Variants in KIAA1328 observed in about 807,000 individuals in gnomAD.
The protein encoded by KIAA1328 is KIAA1328.
Under a neutral mutation model 68.1 loss-of-function variants are expected in KIAA1328, and 52 were observed. That is an observed-to-expected ratio of 0.76 (90% confidence interval 0.61 to 0.96). KIAA1328 has a LOEUF of 0.96. KIAA1328 is among the 40% of genes least tolerant of loss of function. The pLI is 0.00. For synonymous variants in KIAA1328, 232 were observed against 239.4 expected, an observed-to-expected ratio of 0.97 and a Z score of 0.28; for missense variants, 641 against 677.6, an observed-to-expected ratio of 0.95 and a Z score of 0.60.
At position 36,973,850 on chromosome 18, in the gene KIAA1328, C is replaced by CACACACACACACACAT. The variant is rs983579773; in HGVS notation, c.576+14416_576+14417insCACACACACACACATA. Among the ~76,000 whole-genome samples the CACACACACACACACAT allele has an allele frequency of 4.7e-5, 7 of 149,262 alleles. No individual in the cohort carries two copies. The South Asian group carries it at 1.1e-3, about 22-fold the overall frequency. ...ACACATACACACACACACACACACA[C>CACACACACACACACAT]ATATATATCTTCAAAAATTCTATTT... On this transcript the variant is annotated intron_variant, in intron 6 of 9. Transcript: ENST00000280020.
Position 36,885,900 on chromosome 18 carries a change from A to G in KIAA1328, c.448+228A>G. 1.2e-5 allele frequency: 6 copies of G among 483,728 alleles called. 1 individual carries two copies. Among genetic ancestry groups the G allele is most frequent in the Non-Finnish European group, 2.2e-5 (6 of 276,698 alleles). 30.0% of individuals were successfully genotyped at this position (483,728 alleles called of 1,614,324 possible). A position where few individuals can be genotyped will look rare whatever the true frequency, so the allele number is the denominator to read the frequency against. On this transcript the variant is annotated intron_variant, in intron 5 of 9. Transcript: ENST00000280020. ...CCCAGCTAATTTTCGTATTTTTAGT[A>G]GAGACGGGGTTTCACCTTGTTGGCC...
intron 1 of KIAA1328, 190 bp downstream of exon 1, chr18:36,829,386 T>C (rs1255739708): frequency 7.3e-7 from 1 of 1,371,034 alleles, no homozygotes; most frequent in East Asian, 3.0e-5. Context: ...GAGAGACTGG[T>C]ACTGTCTGCA....
intron 5 of KIAA1328, among the ~76,000 whole-genome samples, chr18:36,938,462 T>G (rs979206909): frequency 5.3e-5 from 8 of 152,186 alleles, no homozygotes; most frequent in Non-Finnish European, 1.2e-4. Context: ...TGCTTGCTAT[T>G]GAGTTGTTTG....
At chr18:36,837,065 T>C (rs568310187) in intron 3 of KIAA1328, among the ~76,000 whole-genome samples, 1 of 152,336 alleles carries the variant, frequency 6.6e-6, no homozygotes, top group East Asian at 1.9e-4. Context: ...TGATCATTCA[T>C]ATACAAGTTT....
At chr18:36,829,581 G>C (rs2046388894) in intron 1 of KIAA1328, 2 of 410,874 alleles carry the variant, frequency 4.9e-6, no homozygotes, top group Admixed American at 1.2e-4. Flanking sequence ...GGAGGAGTCG[G>C]TGTTGGCTGG....
At chr18:36,968,731 A>G (rs2052046830) in intron 6 of KIAA1328, among the ~76,000 whole-genome samples, 1 of 152,198 alleles carries the variant, frequency 6.6e-6, no homozygotes, top group Non-Finnish European at 1.5e-5. Context: ...CAGATCCTTA[A>G]GTCAGAAAAT....
chr18:36,896,483 G>A (rs918246384), intron 5 of KIAA1328, among the ~76,000 whole-genome samples: 1 of 152,134 alleles, frequency 6.6e-6, no homozygotes, highest in Non-Finnish European at 1.5e-5. Context: ...TGACACTGCA[G>A]TTCAAATAAA....
chr18:36,979,895 C>G (rs1248461669), intron 6 of KIAA1328, among the ~76,000 whole-genome samples: 1 of 152,164 alleles, frequency 6.6e-6, no homozygotes, highest in Non-Finnish European at 1.5e-5. Flanking sequence ...GAAACTTAAT[C>G]CCCAGTGCAA....
chr18:37,025,855 G>A (rs957467847), intron 6 of KIAA1328, among the ~76,000 whole-genome samples: 2 of 151,958 alleles, frequency 1.3e-5, no homozygotes, highest in African/African-American at 4.8e-5. Context: ...CTAGCAGAAG[G>A]CAAGAAATAA....
intron 1 of KIAA1328, 196 bp downstream of exon 1, chr18:36,829,392 C>G: frequency 7.3e-7 from 1 of 1,362,254 alleles, no homozygotes; most frequent in Non-Finnish European, 9.4e-7. Flanking sequence ...CTGGTACTGT[C>G]TGCAGGTGTG....
At chr18:36,900,652 A>T (rs1310784895) in intron 5 of KIAA1328, among the ~76,000 whole-genome samples, 3 of 151,980 alleles carry the variant, frequency 2.0e-5, no homozygotes. Context: ...TGAACTGTTC[A>T]TATTTTCATA....
intron 6 of KIAA1328, among the ~76,000 whole-genome samples, chr18:37,029,305 A>T (rs2054724555): frequency 6.6e-6 from 1 of 151,768 alleles, no homozygotes; most frequent in Non-Finnish European, 1.5e-5. Context: ...TTGTGTGCCT[A>T]GGGGTGTTTG....
intron 4 of KIAA1328, among the ~76,000 whole-genome samples, chr18:36,847,811 A>G (rs2047078340): frequency 6.6e-6 from 1 of 151,612 alleles, no homozygotes; most frequent in African/African-American, 2.4e-5. Context: ...AATTCTGCCT[A>G]TCACAAATTG....
chr18:37,144,748 T>C (rs1412047421), intron 7 of KIAA1328, among the ~76,000 whole-genome samples: 2 of 152,142 alleles, frequency 1.3e-5, no homozygotes, highest in Non-Finnish European at 2.9e-5. Flanking sequence ...CAGACTGGTC[T>C]TGAACCCCTG....
Position 37,095,755 on chromosome 18 carries a change from GACTA to G in KIAA1328, c.1232+28216_1232+28219del, listed in dbSNP as rs1050746936. Among the ~76,000 whole-genome samples the G allele has an allele frequency of 1.5e-4, 22 of 150,028 alleles. 1 individual carries two copies. Among genetic ancestry groups the G allele is most frequent in the South Asian group, 1.0e-3 (5 of 4,766 alleles). On this transcript the variant is annotated intron_variant, in intron 7 of 9. Transcript: ENST00000280020. ...ATGAAGTTGATAAACCACTAACTAA[GACTA>G]ACTAAGGAAAAAAGAAGACCCAAAT...
At chr18:36,965,403 A>G (rs1041803492) in intron 6 of KIAA1328, among the ~76,000 whole-genome samples, 19 of 151,218 alleles carry the variant, frequency 1.3e-4, no homozygotes, top group Non-Finnish European at 2.2e-4. Context: ...TGTTATCACT[A>G]TTGCCTCTAT....
chr18:36,919,516 C>T (rs181772371), intron 5 of KIAA1328, among the ~76,000 whole-genome samples: 4 of 152,144 alleles, frequency 2.6e-5, no homozygotes, highest in East Asian at 1.9e-4. Context: ...AATAGTGTTG[C>T]GAGGAACATA....
intron 6 of KIAA1328, among the ~76,000 whole-genome samples, chr18:37,024,549 C>A (rs2054487232): frequency 7.0e-6 from 1 of 143,236 alleles, no homozygotes; most frequent in East Asian, 2.2e-4. Context: ...CACAACCAGC[C>A]CCGGTGTGTG....
At chr18:36,989,149 T>C (rs1489412624) in intron 6 of KIAA1328, among the ~76,000 whole-genome samples, 2 of 152,194 alleles carry the variant, frequency 1.3e-5, no homozygotes. Flanking sequence ...CTGAATACTT[T>C]GTCAATTAAG....
Sources: gnomAD v4.1 joint callset for allele counts (sites outside exome capture counted in the v4.1 genomes callset) on GRCh38, gnomAD v4.1.1 for gene constraint, MANE v1.5 for transcripts, NCBI Gene and HGNC (gene_info 2026-07-23, HGNC 2026-07-21) for gene names.